Variants in RBBP8 observed in about 807,000 individuals in gnomAD.
RBBP8 encodes the protein DNA endonuclease RBBP8.
Under a neutral mutation model 108.3 loss-of-function variants are expected in RBBP8, and 88 were observed. The observed-to-expected ratio is 0.81, with a 90% CI of 0.68 to 0.97. The LOEUF (loss-of-function observed/expected upper bound fraction) is 0.97. RBBP8 is among the 50% of genes least tolerant of loss of function. The pLI, the probability that RBBP8 is intolerant of heterozygous loss-of-function variation, is 0.00. For missense variants in RBBP8, 1,023 were observed against 1,049.0 expected (o/e 0.98, Z 0.34); for synonymous variants, 332 against 348.2 (o/e 0.95, Z 0.52).
chr18:22,980,962 T>C (rs1344501182), intron 6 of RBBP8, among the ~76,000 whole-genome samples: 2 of 107,048 alleles, frequency 1.9e-5, no homozygotes, highest in African/African-American at 3.7e-5. Flanking sequence ...GAGCCACTTA[T>C]GTCTTTTTTT....
At chr18:22,937,080 A>C in intron 2 of RBBP8, 120 bp downstream of exon 2, 12 of 1,516,620 alleles carry the variant, frequency 7.9e-6, no homozygotes, top group Non-Finnish European at 1.1e-5. Flanking sequence ...CCGGGGGTAC[A>C]TGTGCAGATT....
intron 5 of RBBP8, among the ~76,000 whole-genome samples, chr18:22,974,562 A>G (rs1485245752): frequency 6.6e-5 from 10 of 152,110 alleles, no homozygotes; most frequent in Admixed American, 5.9e-4. Context: ...CCTAGGTTCA[A>G]ATGATTCTCC....
intron 4 of RBBP8, among the ~76,000 whole-genome samples, chr18:22,963,919 GC>G (rs1256282545): frequency 1.3e-5 from 2 of 151,990 alleles, no homozygotes; most frequent in Non-Finnish European, 2.9e-5. Context: ...CCATTGTCAT[GC>G]TTAAAAAAAA....
At chr18:22,950,208 A>G (rs1804214950) in intron 4 of RBBP8, among the ~76,000 whole-genome samples, 1 of 152,202 alleles carries the variant, frequency 6.6e-6, no homozygotes, top group African/African-American at 2.4e-5. Context: ...TGAGGATTAG[A>G]AAAGGCTTCC....
intron 5 of RBBP8, among the ~76,000 whole-genome samples, chr18:22,974,625 G>A (rs1038085334): frequency 6.6e-6 from 1 of 152,060 alleles, no homozygotes; most frequent in African/African-American, 2.4e-5. Context: ...ATGTCCGGCT[G>A]ATTTTTGTGT....
At chr18:22,978,622 A>C (rs796442907) in intron 6 of RBBP8, among the ~76,000 whole-genome samples, 1 of 152,026 alleles carries the variant, frequency 6.6e-6, no homozygotes, top group African/African-American at 2.4e-5. Flanking sequence ...TATGACTAAT[A>C]GGCAAGCAGG....
intron 4 of RBBP8, among the ~76,000 whole-genome samples, chr18:22,963,346 A>G (rs1913280397): frequency 6.6e-6 from 1 of 152,144 alleles, no homozygotes. Context: ...ATGTAAATGC[A>G]GTTCAAAGCT....
intron 4 of RBBP8, among the ~76,000 whole-genome samples, chr18:22,965,854 C>T (rs746678171): frequency 2.0e-5 from 3 of 152,132 alleles, no homozygotes; most frequent in Admixed American, 6.6e-5. Flanking sequence ...TTTCTGTGAT[C>T]GTGGAAATTG....
intron 4 of RBBP8, among the ~76,000 whole-genome samples, chr18:22,962,647 C>A (rs1011177524): frequency 2.6e-5 from 4 of 151,908 alleles, no homozygotes; most frequent in African/African-American, 9.7e-5. Flanking sequence ...ACCTCCACCT[C>A]TCGGGTTCAA....
chr18:22,948,536 G>C (rs1209974235), intron 3 of RBBP8, among the ~76,000 whole-genome samples: 1 of 151,978 alleles, frequency 6.6e-6, no homozygotes, highest in Admixed American at 6.6e-5. Flanking sequence ...ACGTGTATTG[G>C]TTTTTCAATT....
At chr18:22,951,526 A>G (rs1348338256) in intron 4 of RBBP8, among the ~76,000 whole-genome samples, 1 of 152,216 alleles carries the variant, frequency 6.6e-6, no homozygotes, top group South Asian at 2.1e-4. Context: ...CAGACACCAG[A>G]TGTGAGGAGG....
intron 12 of RBBP8, among the ~76,000 whole-genome samples, chr18:22,994,946 G>A (rs1037264817): frequency 6.6e-6 from 1 of 151,804 alleles, no homozygotes; most frequent in Non-Finnish European, 1.5e-5. Context: ...GGTTGGTCTC[G>A]AACTACTGGA....
Position 22,936,807 on chromosome 18 carries a change from T to G in RBBP8, c.-45T>G. 6.2e-7 allele frequency: 1 copy of G among 1,611,462 alleles called. No homozygotes were observed. Among genetic ancestry groups the G allele is most frequent in the Non-Finnish European group, 8.5e-7 (1 of 1,178,244 alleles). ...TACCTCTATAATGTAACAGAAAAGG[T>G]CAGAAAATATTAAGCAAGTAGAAGT... On this transcript the variant is annotated 5_prime_UTR_variant, in exon 2 of 19. Transcript: ENST00000327155.
chr18:22,927,975 G>A (rs1318727100), intron 3 of RBBP8, among the ~76,000 whole-genome samples: 3 of 151,576 alleles, frequency 2.0e-5, no homozygotes, highest in African/African-American at 4.8e-5. Flanking sequence ...TTGGGAGGCC[G>A]AGGAGGGTGG....
chr18:22,993,537 C>G lies in RBBP8; in HGVS notation c.1710C>G (p.Asp570Glu). 1 of 1,613,488 alleles carries G rather than the reference C, an allele frequency of 6.2e-7. No homozygotes were observed. The highest frequency in any genetic ancestry group is 8.5e-7 in the Non-Finnish European group (1 of 1,179,870). The change falls in exon 11 of 19, where the codon GAC (aspartate) becomes GAG (glutamate). Residue 570 changes from aspartate to glutamate, a missense_variant. Physicochemically the swap from Asp to Glu is conservative, Grantham distance 45. Transcript: ENST00000327155. ...ILQPLNKCSPDNKPSLQIKEE... is the reference protein window; with the variant it reads ...ILQPLNKCSPENKPSLQIKEE... ...AGCCCTTGAATAAATGCTCTCCAGA[C>G]AATAAACCATCATTACAAATAAAAG...
Position 23,026,409 on chromosome 18 carries a change from A to G in RBBP8, c.*169A>G. The G allele has an allele frequency of 1.6e-6, 1 of 626,224 alleles. No individual in the cohort carries two copies. The highest frequency in any genetic ancestry group is 2.8e-6 in the Non-Finnish European group (1 of 353,120). 38.8% of individuals were successfully genotyped at this position (626,224 alleles called of 1,614,324 possible). A position where few individuals can be genotyped will look rare whatever the true frequency, so the allele number is the denominator to read the frequency against. On this transcript the variant is annotated 3_prime_UTR_variant, in exon 19 of 19. Transcript: ENST00000327155. The stretch of plus-strand genomic sequence containing the variant: ...TTTGCTTTTGCACCTTTAAAACAAT[A>G]AGGCGCTTTCATTTTGCACTCTAAC...
chr18:22,941,076 C>T (rs1354968900), intron 2 of RBBP8, among the ~76,000 whole-genome samples: 1 of 151,830 alleles, frequency 6.6e-6, no homozygotes. Flanking sequence ...TTTTAATTTG[C>T]TTTTCAGATT....
chr18:22,923,550 T>C (rs1909678291), intron 3 of RBBP8, among the ~76,000 whole-genome samples: 1 of 152,236 alleles, frequency 6.6e-6, no homozygotes, highest in African/African-American at 2.4e-5. Flanking sequence ...CAGTGAGTAT[T>C]AATATCCTCT....
intron 3 of RBBP8, among the ~76,000 whole-genome samples, chr18:22,928,139 T>C (rs1435580000): frequency 1.3e-5 from 2 of 148,726 alleles, no homozygotes; most frequent in Non-Finnish European, 1.5e-5. Flanking sequence ...GGGTGAAGGC[T>C]ATCATAAGCT....
Sources: allele counts gnomAD v4.1 joint callset (sites outside exome capture counted in the v4.1 genomes callset), GRCh38; gene constraint gnomAD v4.1.1; transcripts MANE v1.5; gene names NCBI Gene and HGNC (gene_info 2026-07-23, HGNC 2026-07-21).